Variants in ARAP2 observed in about 807,000 individuals in gnomAD.
The protein encoded by ARAP2 is ArfGAP with RhoGAP domain, ankyrin repeat and PH domain 2, also known as arf-GAP with Rho-GAP domain, ANK repeat and PH domain-containing protein 2.
Under a neutral mutation model 194.5 loss-of-function variants are expected in ARAP2, and 148 were observed. The observed-to-expected ratio is 0.76, with a 90% CI of 0.67 to 0.87. ARAP2 has a LOEUF of 0.87. Ranked by LOEUF, ARAP2 falls within the 40% of genes least tolerant of loss-of-function variation. The pLI, the probability that ARAP2 is intolerant of heterozygous loss-of-function variation, is 0.00. For missense variants in ARAP2, 2,128 were observed against 1,989.7 expected, an observed-to-expected ratio of 1.07 and a Z score of -1.32; for synonymous variants, 695 against 683.5, an observed-to-expected ratio of 1.02 and a Z score of -0.26.
In ARAP2 at chr4:36,229,587, G is replaced by T; in HGVS notation, c.-101C>A. The T allele has an allele frequency of 1.1e-6, 1 of 901,938 alleles. No individual in the cohort carries two copies. The highest frequency in any genetic ancestry group is 1.6e-6 in the Non-Finnish European group (1 of 612,590). The allele number at this position is 901,938 out of a possible 1,614,324, so 55.9% of individuals were successfully genotyped here. A position where few individuals can be genotyped will look rare whatever the true frequency, so the allele number is the denominator to read the frequency against. ...TACTGGCTTTTCCTCTATCAATTGT[G>T]ACAGAAAAGTTTCTTAAAATGTTAT... On this transcript the variant is annotated 5_prime_UTR_variant, in exon 2 of 33. Transcript: ENST00000303965.
chr4:36,023,287 T>C (rs1717326706), intron 5 of ARAP2, among the ~76,000 whole-genome samples: 1 of 152,170 alleles, frequency 6.6e-6, no homozygotes, highest in African/African-American at 2.4e-5. Context: ...ATGGACGAGA[T>C]GAATCATTTG....
At chr4:36,179,192 T>C (rs1196729636) in intron 8 of ARAP2, among the ~76,000 whole-genome samples, 5 of 152,182 alleles carry the variant, frequency 3.3e-5, no homozygotes, top group Admixed American at 6.5e-5. Flanking sequence ...TAGACCATAC[T>C]GGAAGCCTGA....
At chr4:36,134,639 T>G (rs1033837237) in intron 19 of ARAP2, among the ~76,000 whole-genome samples, 1 of 151,592 alleles carries the variant, frequency 6.6e-6, no homozygotes, top group Admixed American at 6.6e-5. Flanking sequence ...GTTTTCAAGA[T>G]AAAAAGTCTT....
At chr4:36,150,571 G>A (rs1275880130) in intron 16 of ARAP2, among the ~76,000 whole-genome samples, 2 of 152,008 alleles carry the variant, frequency 1.3e-5, no homozygotes, top group African/African-American at 4.8e-5. Flanking sequence ...GAACCCAGGA[G>A]GCGGAGGTTG....
intron 11 of ARAP2, among the ~76,000 whole-genome samples, chr4:36,163,874 C>G (rs139691682): frequency 1.3e-5 from 2 of 152,134 alleles, no homozygotes; most frequent in African/African-American, 4.8e-5. Flanking sequence ...GATTCACTGG[C>G]ATTTTTTGTT....
At position 36,229,155 on chromosome 4, in the gene ARAP2, C is replaced by T. The variant is rs375349240; in HGVS notation, c.332G>A (p.Ser111Asn). 10 of 1,614,030 alleles carry T rather than the reference C, an allele frequency of 6.2e-6. No homozygotes were observed. In the African/African-American group the frequency reaches 8.0e-5, roughly 13 times the overall value. ...NICIELSNSGSVQTSSPPQLE... is the reference protein window; with the variant it reads ...NICIELSNSGNVQTSSPPQLE... ...CTGCGGTGGGCTAGATGTCTGAACA[C>T]TACCAGAATTGGAAAGTTCTATGCA... The change falls in exon 2 of 33, where the codon AGT becomes AAT. Residue 111 changes from serine to asparagine, a missense_variant. Physicochemically the swap from Ser to Asn is conservative, Grantham distance 46. Transcript: ENST00000303965.
At position 36,114,227 on chromosome 4, in the gene ARAP2, T is replaced by C. The variant is rs1263275033; in HGVS notation, c.4099A>G (p.Ile1367Val). 6.2e-7 allele frequency: 1 copy of C among 1,603,450 alleles called. No homozygotes were observed. The highest frequency in any genetic ancestry group is 1.7e-5 in the Admixed American group (1 of 59,654). Residue 1367 changes from isoleucine to valine, a missense_variant, in exon 26 of 33, where the codon ATT (isoleucine) becomes GTT (valine). Transcript: ENST00000303965. The stretch of plus-strand genomic sequence containing the variant: ...GCCCAAATATCACCTTTTGTAGGAA[T>C]AATATTTTTTATCGCTAATATATCA... ...TNDILAIKNI[I>V]PTKGDIWATF...
chr4:36,020,350 G>A, intron 5 of ARAP2, among the ~76,000 whole-genome samples: 1 of 152,180 alleles, frequency 6.6e-6, no homozygotes, highest in Non-Finnish European at 1.5e-5. Flanking sequence ...GGCAGAGGTT[G>A]CAGTAAGCTG....
intron 2 of ARAP2, among the ~76,000 whole-genome samples, chr4:36,228,277 T>C (rs1015644497): frequency 1.3e-5 from 2 of 152,086 alleles, no homozygotes; most frequent in African/African-American, 2.4e-5. Flanking sequence ...ACTGCACTAA[T>C]GGAAAGACTA....
At chr4:36,059,782 C>T (rs1444106456) in intron 1 of ARAP2, among the ~76,000 whole-genome samples, 1 of 152,102 alleles carries the variant, frequency 6.6e-6, no homozygotes, top group African/African-American at 2.4e-5. Context: ...AAGGAGGGTG[C>T]TTAACTGTGT....
intron 27 of ARAP2, among the ~76,000 whole-genome samples, chr4:36,103,895 AT>A (rs900312827): frequency 6.6e-6 from 1 of 151,906 alleles, no homozygotes; most frequent in Non-Finnish European, 1.5e-5. Flanking sequence ...ATTTTAGCAA[AT>A]TTTTTATATA....
chr4:36,158,604 C>G, intron 15 of ARAP2, 126 bp downstream of exon 15: 1 of 804,574 alleles, frequency 1.2e-6, no homozygotes, highest in East Asian at 2.9e-5. Flanking sequence ...ATTTATAAAT[C>G]CTCAAAAATA....
chr4:36,212,699 G>A (rs896971611), intron 4 of ARAP2, among the ~76,000 whole-genome samples: 3 of 150,504 alleles, frequency 2.0e-5, no homozygotes, highest in Non-Finnish European at 3.0e-5. Flanking sequence ...TATTCAAATC[G>A]TTAACTCATC....
At chr4:36,219,650 T>C (rs1317310077) in intron 2 of ARAP2, among the ~76,000 whole-genome samples, 1 of 152,196 alleles carries the variant, frequency 6.6e-6, no homozygotes, top group Admixed American at 6.5e-5. Flanking sequence ...TTATGTCTAG[T>C]TGATTTATAT....
intron 28 of ARAP2, among the ~76,000 whole-genome samples, chr4:36,084,509 A>G (rs1319798533): frequency 1.3e-5 from 2 of 152,138 alleles, no homozygotes; most frequent in Non-Finnish European, 2.9e-5. Flanking sequence ...ACTCGTGAAT[A>G]TATATGAACA....
Position 36,159,425 on chromosome 4 carries a change from G to A in ARAP2, c.2523C>T (p.Ala841=), listed in dbSNP as rs1456814643. The A allele has an allele frequency of 6.2e-7, 1 of 1,611,850 alleles. No homozygotes were observed. Among genetic ancestry groups the A allele is most frequent in the Admixed American group, 1.7e-5 (1 of 59,916 alleles). ...LLFSGADVMC[A]TGDPVHSTPY... ...GGGTGCTATGCACGGGGTCTCCGGT[G>A]GCACACATGACATCTGCTCCACTGA... The change falls in exon 14 of 33, where the codon GCC becomes GCT. Residue 841 remains alanine, a synonymous_variant. Coordinates refer to ENST00000303965, the MANE Select transcript of ARAP2 (RefSeq NM_015230.4).
intron 6 of ARAP2, among the ~76,000 whole-genome samples, chr4:36,194,408 C>T (rs370119917): frequency 1.3e-5 from 2 of 152,212 alleles, no homozygotes; most frequent in South Asian, 4.1e-4. Flanking sequence ...ACCATAGGTA[C>T]TTTTGGTCTT....
intron 9 of ARAP2, among the ~76,000 whole-genome samples, chr4:36,173,698 ACT>A (rs1328583250): frequency 6.6e-6 from 1 of 152,098 alleles, no homozygotes; most frequent in Admixed American, 6.5e-5. Flanking sequence ...AGGAAAAAAA[ACT>A]CTTCTGTGAA....
In ARAP2 at chr4:36,200,168, C is replaced by T. The variant is rs187344692; in HGVS notation, c.1488-6521G>A. ...TGTTTTCCACATGTGAACTTCAATA[C>T]TGAATTCCAATAATTAGTTAATTAA... On this transcript the variant is annotated intron_variant, in intron 6 of 32. Coordinates refer to ENST00000303965, the MANE Select transcript of ARAP2 (RefSeq NM_015230.4). 5.9e-5 allele frequency among the ~76,000 whole-genome samples: 9 copies of T among 152,260 alleles called. No homozygotes were observed. In the East Asian group the frequency reaches 1.7e-3, roughly 29 times the overall value.
Sources: allele counts gnomAD v4.1 joint callset (sites outside exome capture counted in the v4.1 genomes callset), GRCh38; gene constraint gnomAD v4.1.1; transcripts MANE v1.5; gene names NCBI Gene and HGNC (gene_info 2026-07-23, HGNC 2026-07-21).